Variants in CHRNE observed in about 807,000 individuals in gnomAD.
CHRNE encodes acetylcholine receptor subunit epsilon.
CHRNE carries 58 observed loss-of-function variants against 56.5 expected under a neutral mutation model. That is an observed-to-expected ratio of 1.03 (90% CI 0.83 to 1.28). The LOEUF is 1.28. Ranked by LOEUF, CHRNE falls within the 50% of genes most tolerant of loss-of-function variation. The pLI, the probability that CHRNE is intolerant of heterozygous loss-of-function variation, is 0.00. For missense variants in CHRNE, 793 were observed against 688.9 expected (o/e 1.15, Z -1.69); for synonymous variants, 385 against 297.9 (o/e 1.29, Z -3.01).
chr17:4,899,992 T>C (rs1216684172), intron 8 of CHRNE: 1 of 1,551,472 alleles, frequency 6.4e-7, no homozygotes, highest in East Asian at 2.4e-5. Context: ...CCGCAGCCCA[T>C]GAATATCTGG....
upstream of CHRNE, among the ~76,000 whole-genome samples, chr17:4,906,028 T>TC (rs1274861030): frequency 6.6e-6 from 1 of 152,166 alleles, no homozygotes; most frequent in Non-Finnish European, 1.5e-5. Context: ...CACTGCCCAT[T>TC]CCCCCTACTT....
chr17:4,897,993 A>AC lies in CHRNE; in HGVS notation c.*742dup, dbSNP rs1467199360. The AC allele has an allele frequency of 1.4e-5, 2 of 141,322 alleles. 1 individual carries two copies. The highest frequency in any genetic ancestry group is 1.4e-4 in the Admixed American group (2 of 14,460). 8.8% of individuals were successfully genotyped at this position (141,322 alleles called of 1,614,324 possible). On this transcript the variant is annotated 3_prime_UTR_variant, in exon 12 of 12. Coordinates refer to ENST00000649488, the MANE Select transcript of CHRNE (RefSeq NM_000080.4). ...AAGTAACCCTTCTCCCTCCCCCCCC[A>AC]CCCCTCCTCAATGTAGTGGCCTTGG...
chr17:4,908,304 A>G lies in CHRNE; in HGVS notation c.-887-5541T>C, dbSNP rs543213417. On this transcript the variant is annotated intron_variant, in intron 1 of 10. Transcript: ENST00000649830. ...GCTGCAGTGGCCATGGGCCTCACAC[A>G]TAGACCGCATTCACCTGAGAGCCAG... Among the ~76,000 whole-genome samples, 34 of 152,374 alleles carry G rather than the reference A, an allele frequency of 2.2e-4. 1 individual carries two copies. In the East Asian group the frequency reaches 6.4e-3, roughly 29 times the overall value.
Position 4,900,866 on chromosome 17 carries a change from C to T in CHRNE, c.844G>A (p.Ala282Thr). The change falls in exon 8 of 12, where the codon GCC becomes ACC. Residue 282 changes from alanine (A) to threonine (T), a missense_variant. Transcript: ENST00000649488. ...ATGAGGAACAAGAAGACGGTCTGGG[C>T]GAGCAGGACGTTGATGGAGACCGTG... ...KCTVSINVLL[A>T]QTVFLFLIAQ... 1.2e-6 allele frequency: 2 copies of T among 1,614,166 alleles called. No homozygotes were observed. Among genetic ancestry groups the T allele is most frequent in the Non-Finnish European group, 1.7e-6 (2 of 1,180,006 alleles).
chr17:4,908,621 C>T (rs1331779701), intron 1 of CHRNE, among the ~76,000 whole-genome samples: 3 of 152,116 alleles, frequency 2.0e-5, no homozygotes, highest in Admixed American at 1.3e-4. Flanking sequence ...GCTGATGGTT[C>T]GTATTTTCAT....
chr17:4,900,291 C>T (rs1164313708), intron 8 of CHRNE: 49 of 1,545,290 alleles, frequency 3.2e-5, no homozygotes, highest in Non-Finnish European at 3.9e-5. Context: ...CAGCGCGGGC[C>T]CAGCCCCAGA....
intron 8 of CHRNE, chr17:4,900,302 C>G (rs141527391): frequency 6.5e-7 from 1 of 1,545,138 alleles, no homozygotes; most frequent in Non-Finnish European, 8.7e-7. Flanking sequence ...CAGCCCCAGA[C>G]GGCAGGGATC....
intron 1 of CHRNE, among the ~76,000 whole-genome samples, chr17:4,908,365 CCCAGGGG>C (rs1970116019): frequency 6.6e-6 from 1 of 152,176 alleles, no homozygotes; most frequent in Non-Finnish European, 1.5e-5. Flanking sequence ...ACCAGTGCAT[CCCAGGGG>C]CTTGCCTTGC....
chr17:4,901,738 C>CA (rs1010159535), intron 5 of CHRNE, 113 bp from the exon 6 acceptor site: 126 of 1,270,584 alleles, frequency 9.9e-5, no homozygotes, highest in Non-Finnish European at 9.2e-5. Context: ...CCCACCCCTT[C>CA]ACCCAAGCCC....
At chr17:4,899,414 G>T (rs530015297) in intron 9 of CHRNE, 30 bp from the exon 10 acceptor site, 5 of 1,543,520 alleles carry the variant, frequency 3.2e-6, no homozygotes, top group Non-Finnish European at 4.4e-6. Flanking sequence ...TAGGGGACGA[G>T]GTTAGTACGA....
rs1380838293 is a variant in CHRNE at position 4,899,090 on chromosome 17, G to A, written c.1237C>T (p.Leu413=). The A allele has an allele frequency of 6.2e-7, 1 of 1,609,696 alleles. No individual in the cohort carries two copies. The highest frequency in any genetic ancestry group is 1.7e-5 in the Admixed American group (1 of 59,768). Residue 413 remains leucine, a synonymous_variant, in exon 11 of 12, where the codon CTG becomes TTG. Transcript: ENST00000649488. ...CGGACCTCGGGGGCGGCGGCGCCCA[G>A]GCTCTGGCAGAAGGCAGCTGGCGGG... The part of the protein sequence containing the change: ...GTWTAAFCQS[L]GAAAPEVRCC...
chr17:4,901,413 C>T, intron 6 of CHRNE, 112 bp downstream of exon 6: 5 of 1,074,780 alleles, frequency 4.7e-6, no homozygotes, highest in Non-Finnish European at 7.1e-6. Context: ...AAGCTAAACC[C>T]AGTTGTGGAA....
intron 8 of CHRNE, chr17:4,900,156 G>A (rs1481215014): frequency 2.8e-5 from 44 of 1,548,234 alleles, no homozygotes; most frequent in Non-Finnish European, 3.1e-5. Context: ...GTGGGGTACT[G>A]GGGGGCTTAG....
chr17:4,898,358 G>T lies in CHRNE; in HGVS notation c.*378C>A. On this transcript the variant is annotated 3_prime_UTR_variant, in exon 12 of 12. Transcript: ENST00000649488. ...GGTTTCCTGGCTACAGCCTCCCTGT[G>T]TGCAAGTCCTGCAAAGGGGTCTCCT... 1 of 331,950 alleles carries T rather than the reference G, an allele frequency of 3.0e-6. No homozygotes were observed. The highest frequency in any genetic ancestry group is 5.9e-6 in the Non-Finnish European group (1 of 170,532). 20.6% of individuals were successfully genotyped at this position (331,950 alleles called of 1,614,324 possible).
At chr17:4,900,155 T>C in intron 8 of CHRNE, 1 of 1,548,746 alleles carries the variant, frequency 6.5e-7, no homozygotes, top group Non-Finnish European at 8.7e-7. Flanking sequence ...GGTGGGGTAC[T>C]GGGGGGCTTA....
In CHRNE at chr17:4,898,750, A is replaced by T; in HGVS notation, c.1468T>A (p.Cys490Ser). 6.2e-7 allele frequency: 1 copy of T among 1,611,230 alleles called. No homozygotes were observed. Among genetic ancestry groups the T allele is most frequent in the Non-Finnish European group, 8.5e-7 (1 of 1,179,124 alleles). ...NRVPDLPYAP[C>S]IQP ...GTCGGTGCGAGCTAAGGCTGGATAC[A>T]CGGCGCGTAGGGGAGATCAGGCACT... is the stretch of plus-strand genomic sequence containing the variant. Residue 490 changes from cysteine to serine, a missense_variant, in exon 12 of 12, where the codon TGT (cysteine) becomes AGT (serine). Coordinates refer to ENST00000649488, the MANE Select transcript of CHRNE (RefSeq NM_000080.4).
At position 4,902,846 on chromosome 17, in the gene CHRNE, A is replaced by G; in HGVS notation, c.47-83T>C. The G allele has an allele frequency of 1.9e-6, 3 of 1,600,040 alleles. No individual in the cohort carries two copies. Among genetic ancestry groups the G allele is most frequent in the Non-Finnish European group, 2.6e-6 (3 of 1,168,012 alleles). ...TCCCCTCTGCCTCCCCTGGGTCCTC[A>G]CAGGCCTCTGAGGCTGTGTACTATC... On this transcript the variant is annotated intron_variant, in intron 1 of 11. Coordinates refer to ENST00000649488, the MANE Select transcript of CHRNE (RefSeq NM_000080.4). This position sits in a 1 kb window ranked among gnomAD's most constrained non-coding sequence, Gnocchi z 4.0.
chr17:4,898,714 G>A lies in CHRNE; in HGVS notation c.*22C>T, dbSNP rs772645368. On this transcript the variant is annotated 3_prime_UTR_variant, in exon 12 of 12. Transcript: ENST00000649488. The stretch of plus-strand genomic sequence containing the variant: ...AATCAATTTCCTACTGGAGATGGGT[G>A]GGAAATTGAAGTCGGTGCGAGCTAA... 1.0e-5 allele frequency: 16 copies of A among 1,604,918 alleles called. No homozygotes were observed. The highest frequency in any genetic ancestry group is 2.2e-5 in the East Asian group (1 of 44,630).
chr17:4,900,303 G>A (rs1420148869), intron 8 of CHRNE: 12 of 1,545,396 alleles, frequency 7.8e-6, no homozygotes, highest in East Asian at 7.3e-5. Context: ...AGCCCCAGAC[G>A]GCAGGGATCC....
Sources: allele counts gnomAD v4.1 joint callset (sites outside exome capture counted in the v4.1 genomes callset), GRCh38; gene constraint gnomAD v4.1.1; non-coding constraint Gnocchi (gnomAD v3.1); transcripts MANE v1.5; gene names NCBI Gene and HGNC (gene_info 2026-07-23, HGNC 2026-07-21).